The following KMT2C variants were observed in gnomAD, a reference collection of about 807,000 sequenced individuals.
The protein encoded by KMT2C is lysine methyltransferase 2C, also known as histone-lysine N-methyltransferase 2C.
A neutral mutation model predicts 507.9 loss-of-function variants in KMT2C; 88 were observed. The ratio of observed to expected loss-of-function variants is 0.17; its 90% CI spans 0.15 to 0.21. The LOEUF is 0.21. Ranked by LOEUF, KMT2C falls within the 10% of genes least tolerant of loss-of-function variation. KMT2C has a pLI of 1.00. For missense variants in KMT2C, 4,954 were observed against 5,957.8 expected, an observed-to-expected ratio of 0.83 and a Z score of 5.55; for synonymous variants, 2,049 against 2,080.8, an observed-to-expected ratio of 0.98 and a Z score of 0.42.
intron 16 of KMT2C, among the ~76,000 whole-genome samples, chr7:152,234,802 C>A (rs772361259): frequency 1.5e-4 from 22 of 151,616 alleles, no homozygotes; most frequent in Non-Finnish European, 2.9e-5. Flanking sequence ...ACTTGGGAGA[C>A]GGAGGTGGGA....
At chr7:152,251,156 C>A (rs909344991) in intron 11 of KMT2C, among the ~76,000 whole-genome samples, 190 bp from the exon 12 acceptor site, 1 of 152,076 alleles carries the variant, frequency 6.6e-6, no homozygotes, top group African/African-American at 2.4e-5. Flanking sequence ...TATAATGCAT[C>A]AAAAGGTGGG....
chr7:152,273,632 G>A, intron 7 of KMT2C, 73 bp downstream of exon 7: 1 of 1,598,604 alleles, frequency 6.3e-7, no homozygotes, highest in South Asian at 1.1e-5. Flanking sequence ...TAACACTCAG[G>A]GAATTTACAA....
At chr7:152,183,232 C>T (rs560562063) in intron 34 of KMT2C, 76 bp from the exon 35 acceptor site, 26 of 1,194,416 alleles carry the variant, frequency 2.2e-5, no homozygotes, top group Non-Finnish European at 3.0e-5. Flanking sequence ...CTATCATGAA[C>T]TTTCTCAAAT....
At chr7:152,434,902 C>T (rs1219998650) in intron 1 of KMT2C, among the ~76,000 whole-genome samples, 1 of 152,126 alleles carries the variant, frequency 6.6e-6, no homozygotes, top group African/African-American at 2.4e-5. Flanking sequence ...TGGTATTCTG[C>T]CTTACGAGGG....
At chr7:152,367,288 T>G (rs1395986797) in intron 1 of KMT2C, 2 of 1,203,788 alleles carry the variant, frequency 1.7e-6, no homozygotes, top group African/African-American at 3.0e-5. Context: ...CTGCCAACTA[T>G]TCCAAGTTTC....
chr7:152,327,079 G>T (rs150531659), intron 3 of KMT2C, among the ~76,000 whole-genome samples: 36 of 152,270 alleles, frequency 2.4e-4, no homozygotes, highest in African/African-American at 8.2e-4. Context: ...AATAACAGTG[G>T]TAGTGGTAGT....
intron 6 of KMT2C, among the ~76,000 whole-genome samples, chr7:152,289,664 T>C (rs2096373547): frequency 6.6e-6 from 1 of 152,192 alleles, no homozygotes; most frequent in Admixed American, 6.5e-5. Context: ...ATAAGAAGAT[T>C]TGAAAAACTT....
At chr7:152,301,081 G>T (rs780969900) in intron 6 of KMT2C, among the ~76,000 whole-genome samples, 5 of 151,598 alleles carry the variant, frequency 3.3e-5, no homozygotes, top group Non-Finnish European at 7.4e-5. Flanking sequence ...AACTATAAAG[G>T]GCTGGGCGCA....
At chr7:152,147,217 T>A (rs2091190457) in intron 52 of KMT2C, among the ~76,000 whole-genome samples, 1 of 152,234 alleles carries the variant, frequency 6.6e-6, no homozygotes. Context: ...GTTTGTGTAC[T>A]TTCTACATAA....
At chr7:152,420,397 G>A (rs2097770376) in intron 1 of KMT2C, among the ~76,000 whole-genome samples, 1 of 152,182 alleles carries the variant, frequency 6.6e-6, no homozygotes, top group South Asian at 2.1e-4. Flanking sequence ...CACATTAAAG[G>A]AGTTTAGTAT....
intron 1 of KMT2C, among the ~76,000 whole-genome samples, chr7:152,359,682 G>A (rs1256597202): frequency 6.6e-6 from 1 of 151,878 alleles, no homozygotes; most frequent in African/African-American, 2.4e-5. Context: ...AACAAAGAAG[G>A]GAGGGAGGGA....
rs1175077265 is a variant in KMT2C, at chr7:152,135,319, C to T, written c.*1513G>A. On this transcript the variant is annotated 3_prime_UTR_variant, in exon 59 of 59. Coordinates refer to ENST00000262189, the MANE Select transcript of KMT2C (RefSeq NM_170606.3). ...ATACTTAGCCTGTGAAGTGTCAGTA[C>T]CAGAATTTTAAGTACAAAATAAAAA... 2 of 217,508 alleles carry T rather than the reference C, an allele frequency of 9.2e-6. No homozygotes were observed. The highest frequency in any genetic ancestry group is 1.9e-5 in the Non-Finnish European group (2 of 107,958). 13.5% of individuals were successfully genotyped at this position (217,508 alleles called of 1,614,324 possible).
chr7:152,256,906 G>T (rs764713925), intron 9 of KMT2C, among the ~76,000 whole-genome samples: 1 of 152,076 alleles, frequency 6.6e-6, no homozygotes, highest in South Asian at 2.1e-4. Flanking sequence ...ATCTCTGGTG[G>T]CAATGCAAAG....
rs1400537257 is a variant in KMT2C, at chr7:152,263,046, T to C, written c.1269A>G (p.Lys423=). 6.2e-7 allele frequency: 1 copy of C among 1,612,996 alleles called. No homozygotes were observed. The highest frequency in any genetic ancestry group is 1.3e-5 in the African/African-American group (1 of 74,906). ...ATTTCCAGCCATTGGTTGGTACTGATTTCATAACTGGTTGAAGACAAAAAG... is the reference window on the plus strand; with the variant it reads ...ATTTCCAGCCATTGGTTGGTACTGACTTCATAACTGGTTGAAGACAAAAAG... The part of the protein sequence containing the change: ...YHTFCLQPVM[K]SVPTNGWKCK... The change falls in exon 9 of 59, where the codon AAA becomes AAG. Residue 423 remains lysine (K), a synonymous_variant. Transcript: ENST00000262189.
intron 1 of KMT2C, among the ~76,000 whole-genome samples, chr7:152,432,402 G>T (rs1157956940): frequency 6.6e-6 from 1 of 152,204 alleles, no homozygotes; most frequent in Non-Finnish European, 1.5e-5. Context: ...TCTTTAATAT[G>T]TGCATATTCT....
intron 42 of KMT2C, 150 bp downstream of exon 42, chr7:152,166,996 C>G (rs977217211): frequency 1.6e-5 from 10 of 625,844 alleles, no homozygotes; most frequent in Non-Finnish European, 2.0e-5. Flanking sequence ...ACTAAGAGGT[C>G]TCAGAGCTGT....
chr7:152,287,896 C>T (rs1340102816), intron 6 of KMT2C, among the ~76,000 whole-genome samples: 12 of 151,164 alleles, frequency 7.9e-5, no homozygotes, highest in Admixed American at 7.3e-4. Context: ...TGGTGGTGCA[C>T]GCCTGTGATT....
intron 1 of KMT2C, among the ~76,000 whole-genome samples, chr7:152,365,961 G>T (rs889242957): frequency 1.3e-5 from 2 of 152,016 alleles, no homozygotes; most frequent in African/African-American, 4.8e-5. Context: ...ATTTTCCAAA[G>T]AAGTTATACA....
At position 152,152,631 on chromosome 7, in the gene KMT2C, CAGTATCT is replaced by C. The variant is rs2091726312; in HGVS notation, c.12526+67_12526+73del. On this transcript the variant is annotated intron_variant, in intron 49 of 58. Transcript: ENST00000262189. ...TACCTGTCCGTTGTTAAAAGATAAT[CAGTATCT>C]CAAAGAGTAAGCTTAACTTTTGAAT... The C allele has an allele frequency of 3.9e-6, 6 of 1,540,490 alleles. No homozygotes were observed. In the African/African-American group the frequency reaches 8.2e-5, roughly 21 times the overall value.
Sources: gnomAD v4.1 joint callset for allele counts (sites outside exome capture counted in the v4.1 genomes callset) on GRCh38, gnomAD v4.1.1 for gene constraint, MANE v1.5 for transcripts, NCBI Gene and HGNC (gene_info 2026-07-23, HGNC 2026-07-21) for gene names.